The following HS3ST5 variants were observed in gnomAD, a reference collection of about 807,000 sequenced individuals.
HS3ST5 encodes the protein heparan sulfate glucosamine 3-O-sulfotransferase 5.
In HS3ST5, 10 loss-of-function variants were observed where a neutral mutation model predicts 25.4. The observed-to-expected ratio is 0.39, with a 90% CI of 0.24 to 0.67. The LOEUF (loss-of-function observed/expected upper bound fraction) is 0.67, where lower values mean the gene tolerates loss of function less well. Ranked by LOEUF, HS3ST5 falls within the 30% of genes least tolerant of loss-of-function variation. HS3ST5 has a pLI of 0.44. For synonymous variants in HS3ST5, 170 were observed against 162.4 expected, an observed-to-expected ratio of 1.05 and a Z score of -0.36; for missense variants, 324 against 420.7, an observed-to-expected ratio of 0.77 and a Z score of 2.01.
chr6:114,168,737 G>A (rs1779332534), intron 2 of HS3ST5, among the ~76,000 whole-genome samples: 3 of 152,176 alleles, frequency 2.0e-5, no homozygotes, highest in African/African-American at 7.2e-5. Flanking sequence ...GAAATGGGGA[G>A]CTACCCACAT....
intron 3 of HS3ST5, among the ~76,000 whole-genome samples, chr6:114,111,982 C>T (rs570560096): frequency 2.0e-5 from 3 of 152,160 alleles, no homozygotes; most frequent in South Asian, 2.1e-4. Flanking sequence ...TCCTCCTTGC[C>T]GTCCTTCTCA....
At chr6:114,242,471 A>G (rs1772175114) in intron 1 of HS3ST5, among the ~76,000 whole-genome samples, 1 of 152,194 alleles carries the variant, frequency 6.6e-6, no homozygotes, top group Non-Finnish European at 1.5e-5. Context: ...AATGTATACT[A>G]TATAACTTTT....
At chr6:114,224,648 T>C in intron 2 of HS3ST5, among the ~76,000 whole-genome samples, 1 of 150,954 alleles carries the variant, frequency 6.6e-6, no homozygotes. Flanking sequence ...ATATTGAGAA[T>C]AAAGTAATCA....
chr6:114,296,549 G>A (rs1323295772), intron 1 of HS3ST5, among the ~76,000 whole-genome samples: 1 of 152,122 alleles, frequency 6.6e-6, no homozygotes, highest in African/African-American at 2.4e-5. Context: ...TAAAATTCAT[G>A]TGTGGATATA....
At chr6:114,116,246 C>T (rs1287277742) in intron 3 of HS3ST5, 3 of 151,990 alleles carry the variant, frequency 2.0e-5, no homozygotes, top group Non-Finnish European at 2.9e-5. Context: ...AATGAGATTA[C>T]CTTTAAAGAT....
At chr6:114,123,798 A>C (rs1157855500) in intron 3 of HS3ST5, among the ~76,000 whole-genome samples, 1 of 152,172 alleles carries the variant, frequency 6.6e-6, no homozygotes, top group East Asian at 1.9e-4. Flanking sequence ...AAATTTAATA[A>C]TTCTTTGCAT....
At chr6:114,212,274 G>A (rs1465460563) in intron 2 of HS3ST5, among the ~76,000 whole-genome samples, 1 of 152,164 alleles carries the variant, frequency 6.6e-6, no homozygotes, top group Non-Finnish European at 1.5e-5. Flanking sequence ...TAGTGATGAT[G>A]GATATTCCAA....
At chr6:114,151,239 A>G (rs1174566190) in intron 3 of HS3ST5, among the ~76,000 whole-genome samples, 2 of 152,190 alleles carry the variant, frequency 1.3e-5, no homozygotes, top group African/African-American at 2.4e-5. Flanking sequence ...CGTAATAAAA[A>G]TCCTTTTTTA....
intron 3 of HS3ST5, among the ~76,000 whole-genome samples, chr6:114,121,490 T>C (rs191718120): frequency 9.5e-4 from 144 of 152,250 alleles, no homozygotes; most frequent in African/African-American, 3.0e-3. Flanking sequence ...AAAGGAAAAA[T>C]GTATAATCTA....
chr6:114,301,143 G>A (rs1452412519), intron 1 of HS3ST5, among the ~76,000 whole-genome samples: 1 of 152,184 alleles, frequency 6.6e-6, no homozygotes, highest in East Asian at 1.9e-4. Context: ...TGAACTGTAT[G>A]CTTTAAATAG....
intron 3 of HS3ST5, among the ~76,000 whole-genome samples, chr6:114,125,005 T>C (rs2114888352): frequency 1.3e-5 from 2 of 152,342 alleles, no homozygotes; most frequent in Middle Eastern, 6.8e-3. Flanking sequence ...GCAGCCAGGA[T>C]ATAAGTTTAT....
At chr6:114,228,207 A>G (rs1771400335) in intron 2 of HS3ST5, among the ~76,000 whole-genome samples, 1 of 152,090 alleles carries the variant, frequency 6.6e-6, no homozygotes, top group African/African-American at 2.4e-5. Context: ...TCCCATTCCT[A>G]GTGGATCTAC....
chr6:114,324,860 A>G (rs998524479), intron 1 of HS3ST5, among the ~76,000 whole-genome samples: 1 of 152,180 alleles, frequency 6.6e-6, no homozygotes, highest in Non-Finnish European at 1.5e-5. Flanking sequence ...AGTGATTCCA[A>G]TTGCGGATAA....
intron 1 of HS3ST5, among the ~76,000 whole-genome samples, chr6:114,330,362 T>TA (rs1283481159): frequency 6.6e-6 from 1 of 152,202 alleles, no homozygotes; most frequent in East Asian, 1.9e-4. Flanking sequence ...ATGAAGTTCT[T>TA]AGAGTACAGT....
intron 3 of HS3ST5, among the ~76,000 whole-genome samples, chr6:114,127,020 G>A (rs1777073545): frequency 6.6e-6 from 1 of 152,170 alleles, no homozygotes; most frequent in South Asian, 2.1e-4. Flanking sequence ...GTCATTATAA[G>A]ATGTTGATAA....
At chr6:114,316,705 G>A (rs1775761950) in intron 1 of HS3ST5, among the ~76,000 whole-genome samples, 1 of 152,198 alleles carries the variant, frequency 6.6e-6, no homozygotes, top group Admixed American at 6.5e-5. Context: ...ATGTTCTACA[G>A]TTAATGCTGC....
chr6:114,086,385 G>A (rs1052553855), intron 3 of HS3ST5, among the ~76,000 whole-genome samples: 2 of 152,208 alleles, frequency 1.3e-5, no homozygotes, highest in Non-Finnish European at 2.9e-5. Flanking sequence ...GATTTGGAAA[G>A]CAGCCTCTAG....
chr6:114,341,222 G>GGAGAGAGAGAGAGAGAGGGGGA (rs1776841937), intron 1 of HS3ST5, among the ~76,000 whole-genome samples: 1 of 46,600 alleles, frequency 2.1e-5, no homozygotes, highest in African/African-American at 1.2e-4. Context: ...GGAGAGAGGG[G>GGAGAGAGAGAGAGAGAGGGGGA]GAGAGAGAGA....
chr6:114,199,974 G>A (rs960002154), intron 2 of HS3ST5, among the ~76,000 whole-genome samples: 1 of 152,166 alleles, frequency 6.6e-6, no homozygotes, highest in African/African-American at 2.4e-5. Flanking sequence ...AGCACTTTGG[G>A]AGGCTAAGGG....
Sources: allele counts gnomAD v4.1 joint callset (sites outside exome capture counted in the v4.1 genomes callset), GRCh38; gene constraint gnomAD v4.1.1; transcripts MANE v1.5; gene names NCBI Gene and HGNC (gene_info 2026-07-23, HGNC 2026-07-21).